The following COL24A1 variants were observed in gnomAD, a reference collection of about 807,000 sequenced individuals.
COL24A1 encodes the protein collagen type XXIV alpha 1 chain, also known as collagen alpha-1(XXIV) chain.
In COL24A1, 224 loss-of-function variants were observed where a neutral mutation model predicts 253.9. The observed-to-expected ratio is 0.88, with a 90% CI of 0.79 to 0.99. The LOEUF is 0.99. COL24A1 is among the 50% of genes least tolerant of loss of function. COL24A1 has a pLI of 0.00. For synonymous variants in COL24A1, 685 were observed against 673.7 expected, an observed-to-expected ratio of 1.02 and a Z score of -0.26; for missense variants, 2,131 against 2,068.5, an observed-to-expected ratio of 1.03 and a Z score of -0.59.
chr1:85,757,768 G>T (rs1010008272), intron 55 of COL24A1, among the ~76,000 whole-genome samples: 3 of 152,050 alleles, frequency 2.0e-5, no homozygotes, highest in South Asian at 2.1e-4. Context: ...GAAAGGCAGG[G>T]TCAGAGAAAT....
At chr1:85,915,574 G>A (rs996078314) in intron 24 of COL24A1, among the ~76,000 whole-genome samples, 4 of 152,200 alleles carry the variant, frequency 2.6e-5, no homozygotes, top group Non-Finnish European at 4.4e-5. Flanking sequence ...CAGGAAAAAT[G>A]AAATAGAGCT....
At position 85,921,332 on chromosome 1, in the gene COL24A1, C is replaced by A. The variant is rs1338407562; in HGVS notation, c.2563-9899G>T. On this transcript the variant is annotated intron_variant, in intron 24 of 59. Transcript: ENST00000370571. Reference sequence around the variant, plus strand: ...CATGCCCATGGAGCCTTGCTCACTGCTAGAGCAGCAGTCTGAGATCGACCT... The same window carrying A: ...CATGCCCATGGAGCCTTGCTCACTGATAGAGCAGCAGTCTGAGATCGACCT... Among the ~76,000 whole-genome samples, 5 of 152,214 alleles carry A rather than the reference C, an allele frequency of 3.3e-5. No individual in the cohort carries two copies. The East Asian group carries it at 9.6e-4, about 29-fold the overall frequency.
chr1:85,767,384 C>T (rs777028405), intron 53 of COL24A1, among the ~76,000 whole-genome samples: 2 of 152,058 alleles, frequency 1.3e-5, no homozygotes, highest in Non-Finnish European at 2.9e-5. Flanking sequence ...GTAGAATGTA[C>T]TGAAAAATTC....
At chr1:85,972,563 C>G (rs1210464253) in intron 20 of COL24A1, among the ~76,000 whole-genome samples, 2 of 152,088 alleles carry the variant, frequency 1.3e-5, no homozygotes, top group Non-Finnish European at 2.9e-5. Context: ...TGTCTTATGC[C>G]AGTCCAATGT....
At chr1:85,755,085 A>C (rs1286683834) in intron 55 of COL24A1, among the ~76,000 whole-genome samples, 5 of 152,206 alleles carry the variant, frequency 3.3e-5, no homozygotes, top group Non-Finnish European at 7.3e-5. Context: ...GAGATCTTCA[A>C]CCAGATTAAC....
chr1:85,872,236 G>T (rs183833423), intron 35 of COL24A1, among the ~76,000 whole-genome samples: 106 of 152,262 alleles, frequency 7.0e-4, no homozygotes, highest in African/African-American at 2.3e-3. Flanking sequence ...TCATGGATAG[G>T]AAGAATCAAT....
rs1326376882 is a variant in COL24A1 at position 85,877,144 on chromosome 1, G to T, written c.3008C>A (p.Pro1003His). 7.5e-6 allele frequency: 12 copies of T among 1,605,756 alleles called. No homozygotes were observed. The highest frequency in any genetic ancestry group is 1.0e-5 in the Non-Finnish European group (12 of 1,176,462). ...GLRGLQGDVG[P>H]PGEMGMEGPP... is the part of the protein sequence containing the mutation. The stretch of plus-strand genomic sequence containing the variant: ...TACCTCCATGCCCATTTCTCCAGGA[G>T]GTCCAACATCACCTTGCAGTCCTCG... Residue 1003 changes from proline to histidine, a missense_variant, in exon 33 of 60, where the codon CCT (proline) becomes CAT (histidine). Transcript: ENST00000370571.
intron 20 of COL24A1, among the ~76,000 whole-genome samples, chr1:85,978,309 A>AAC (rs1018447043): frequency 5.9e-5 from 9 of 152,070 alleles, no homozygotes; most frequent in South Asian, 4.1e-4. Context: ...ATAAAACAAC[A>AAC]ACACACACAC....
intron 28 of COL24A1, among the ~76,000 whole-genome samples, chr1:85,901,770 C>A (rs765510288): frequency 7.4e-6 from 1 of 134,990 alleles, no homozygotes; most frequent in Non-Finnish European, 1.6e-5. Flanking sequence ...CGAGATCATG[C>A]CACTGCATTC....
intron 12 of COL24A1, among the ~76,000 whole-genome samples, chr1:86,039,337 T>C (rs957247130): frequency 2.0e-5 from 3 of 152,220 alleles, no homozygotes; most frequent in Non-Finnish European, 4.4e-5. Context: ...TGGTAGTCTA[T>C]TTAAATATGT....
chr1:85,972,018 GA>G (rs1356541385), intron 20 of COL24A1, among the ~76,000 whole-genome samples: 1 of 152,090 alleles, frequency 6.6e-6, no homozygotes, highest in Non-Finnish European at 1.5e-5. Flanking sequence ...CTCTCTGAAT[GA>G]AAACTCTTTC....
chr1:85,997,602 G>A (rs940107275), intron 19 of COL24A1, among the ~76,000 whole-genome samples: 1 of 151,998 alleles, frequency 6.6e-6, no homozygotes, highest in African/African-American at 2.4e-5. Flanking sequence ...GGCCAACATG[G>A]TGAAACCTCA....
intron 37 of COL24A1, among the ~76,000 whole-genome samples, chr1:85,864,915 C>T (rs138487683): frequency 0.014 from 2,106 of 152,132 alleles, 40 homozygotes; most frequent in African/African-American, 0.048. Flanking sequence ...GATAACAGAC[C>T]GTAAGTCAGG....
At chr1:85,852,653 ATTTC>A (rs1677900502) in intron 37 of COL24A1, among the ~76,000 whole-genome samples, 1 of 149,408 alleles carries the variant, frequency 6.7e-6, no homozygotes, top group South Asian at 2.1e-4. Flanking sequence ...AATGATTATA[ATTTC>A]TTTAATTGCA....
intron 53 of COL24A1, among the ~76,000 whole-genome samples, chr1:85,770,001 G>A (rs773257802): frequency 2.6e-5 from 4 of 152,074 alleles, no homozygotes; most frequent in Non-Finnish European, 5.9e-5. Context: ...ACTTGGAGAG[G>A]ATACTGGGGA....
At chr1:86,033,605 C>A (rs1698760991) in intron 13 of COL24A1, among the ~76,000 whole-genome samples, 1 of 151,998 alleles carries the variant, frequency 6.6e-6, no homozygotes, top group Admixed American at 6.6e-5. Flanking sequence ...GTATTGTGAT[C>A]ACATATTTTT....
At chr1:85,912,463 T>C (rs781140079) in intron 24 of COL24A1, among the ~76,000 whole-genome samples, 1 of 152,290 alleles carries the variant, frequency 6.6e-6, no homozygotes, top group East Asian at 1.9e-4. Context: ...ATAGCTACCA[T>C]GCAAAGACCT....
intron 24 of COL24A1, among the ~76,000 whole-genome samples, chr1:85,936,417 T>C (rs1422063616): frequency 6.8e-6 from 1 of 147,380 alleles, no homozygotes; most frequent in Non-Finnish European, 1.5e-5. Context: ...GCACCTGATA[T>C]AGGCAGAAGG....
intron 43 of COL24A1, among the ~76,000 whole-genome samples, chr1:85,824,353 CA>C: frequency 6.6e-6 from 1 of 152,302 alleles, no homozygotes; most frequent in East Asian, 1.9e-4. Context: ...GAGAAAATTA[CA>C]TATCTATTGT....
Sources: gnomAD v4.1 joint callset for allele counts (sites outside exome capture counted in the v4.1 genomes callset) on GRCh38, gnomAD v4.1.1 for gene constraint, MANE v1.5 for transcripts, NCBI Gene and HGNC (gene_info 2026-07-23, HGNC 2026-07-21) for gene names.